Variants in ADD3 observed in about 807,000 individuals in gnomAD.
ADD3 encodes gamma-adducin.
ADD3 carries 25 observed loss-of-function variants against 80.2 expected under a neutral mutation model. The ratio of observed to expected loss-of-function variants is 0.31; its 90% CI spans 0.23 to 0.44. The LOEUF is 0.44. Among genes scored for constraint, ADD3 ranks in the 20% least tolerant of loss-of-function variants. ADD3 has a pLI of 1.00. For synonymous variants in ADD3, 284 were observed against 289.6 expected, an observed-to-expected ratio of 0.98 and a Z score of 0.20; for missense variants, 829 against 847.5, an observed-to-expected ratio of 0.98 and a Z score of 0.27.
At chr10:110,007,913 TG>T (rs1851803048), upstream of ADD3, 1 of 3,694 alleles carries the variant, frequency 2.7e-4, no homozygotes, top group African/African-American at 1.7e-3. Context: ...GGGGGGCGCT[TG>T]GGGACCTAGG....
At chr10:110,028,181 A>G (rs915839853) in intron 1 of ADD3, among the ~76,000 whole-genome samples, 1 of 152,238 alleles carries the variant, frequency 6.6e-6, no homozygotes, top group Non-Finnish European at 1.5e-5. Flanking sequence ...TATGTATTGA[A>G]TAAATGCTTG....
intron 1 of ADD3, chr10:110,016,407 A>G (rs1029312802): frequency 6.6e-6 from 1 of 152,258 alleles, no homozygotes; most frequent in Non-Finnish European, 1.5e-5. Flanking sequence ...GTTGGAATGC[A>G]TGGGAAAAGA....
chr10:110,053,181 T>C (rs1431566324), intron 1 of ADD3, among the ~76,000 whole-genome samples: 2 of 152,168 alleles, frequency 1.3e-5, no homozygotes. Flanking sequence ...AATTTACCAG[T>C]GATCTGTCTA....
At position 110,135,212 on chromosome 10, in the gene ADD3, T is replaced by G. The variant is rs1326344656; in HGVS notation, c.*1594T>G. ...CTAACTACTGGAATCAGTGTTTTAATCTCTTGGTGGAAACTTTCAGTTGCT... is the reference window on the plus strand; with the variant it reads ...CTAACTACTGGAATCAGTGTTTTAAGCTCTTGGTGGAAACTTTCAGTTGCT... On this transcript the variant is annotated 3_prime_UTR_variant, in exon 15 of 15. Coordinates refer to ENST00000356080, the MANE Select transcript of ADD3 (RefSeq NM_016824.5). 3 of 152,624 alleles carry G rather than the reference T, an allele frequency of 2.0e-5. No individual in the cohort carries two copies. Among genetic ancestry groups the G allele is most frequent in the Admixed American group, 6.5e-5 (1 of 15,272 alleles). The allele number at this position is 152,624 out of a possible 1,614,324, so 9.5% of individuals were successfully genotyped here.
chr10:110,107,448 T>G (rs1849515340), intron 2 of ADD3, among the ~76,000 whole-genome samples: 1 of 152,076 alleles, frequency 6.6e-6, no homozygotes, highest in Non-Finnish European at 1.5e-5. Context: ...AAGAACCTCA[T>G]AGGCTAAAGC....
At chr10:110,065,557 T>TTTTTTTTG (rs1843842023) in intron 1 of ADD3, among the ~76,000 whole-genome samples, 1 of 133,886 alleles carries the variant, frequency 7.5e-6, no homozygotes, top group African/African-American at 2.6e-5. Context: ...TTTTTTTTTT[T>TTTTTTTTG]GAGAAAGAAT....
Position 110,124,281 on chromosome 10 carries a change from C to A in ADD3, c.1401+7C>A. 1 of 1,612,652 alleles carries A rather than the reference C, an allele frequency of 6.2e-7. No homozygotes were observed. Among genetic ancestry groups the A allele is most frequent in the Non-Finnish European group, 8.5e-7 (1 of 1,178,858 alleles). On this transcript the variant is annotated splice_region_variant and intron_variant, in intron 10 of 14. Coordinates refer to ENST00000356080, the MANE Select transcript of ADD3 (RefSeq NM_016824.5). ...TCCCCGAACCAAAATCACGGTATGC[C>A]AGTATTTTATGTAGTTTGCCTTTAC... is the stretch of plus-strand genomic sequence containing the variant.
At chr10:110,022,212 T>C (rs1326080787) in intron 1 of ADD3, among the ~76,000 whole-genome samples, 1 of 152,164 alleles carries the variant, frequency 6.6e-6, no homozygotes, top group Admixed American at 6.5e-5. Flanking sequence ...ATCCTTTCCA[T>C]GGGTTTCAGA....
rs759772968 is a variant in ADD3 at position 110,118,745 on chromosome 10, A to G, written c.717+9A>G. 15 of 1,612,492 alleles carry G rather than the reference A, an allele frequency of 9.3e-6. No homozygotes were observed. The highest frequency in any genetic ancestry group is 3.3e-4 in the Middle Eastern group (2 of 6,056). On this transcript the variant is annotated intron_variant, in intron 6 of 14. Transcript: ENST00000356080. ...CCCTTGCAACAGCAGCTGTAAGTCA[A>G]TGAAAGTCCAAAACTGACAGGACGC... is the stretch of plus-strand genomic sequence containing the variant.
chr10:110,035,445 T>A (rs1855528181), intron 1 of ADD3, among the ~76,000 whole-genome samples: 1 of 152,196 alleles, frequency 6.6e-6, no homozygotes, highest in African/African-American at 2.4e-5. Flanking sequence ...ATTAGAGTGA[T>A]AACTGACTCC....
intron 1 of ADD3, among the ~76,000 whole-genome samples, chr10:110,054,393 C>G (rs1380103343): frequency 6.7e-6 from 1 of 150,138 alleles, no homozygotes; most frequent in African/African-American, 2.4e-5. Flanking sequence ...TAATCTGGGA[C>G]TATCACTCAA....
intron 1 of ADD3, among the ~76,000 whole-genome samples, chr10:110,085,095 T>C (rs1846549454): frequency 6.6e-6 from 1 of 152,162 alleles, no homozygotes; most frequent in South Asian, 2.1e-4. Context: ...TTGATATGAA[T>C]TAGTTTGGTG....
intron 1 of ADD3, among the ~76,000 whole-genome samples, chr10:110,035,298 T>C (rs927974085): frequency 6.6e-6 from 1 of 152,230 alleles, no homozygotes; most frequent in African/African-American, 2.4e-5. Flanking sequence ...TTCATTGATA[T>C]TCCCTTTCCA....
At chr10:110,129,618 C>G (rs914072815) in intron 12 of ADD3, among the ~76,000 whole-genome samples, 3 of 152,098 alleles carry the variant, frequency 2.0e-5, no homozygotes, top group African/African-American at 7.2e-5. Flanking sequence ...TACCTATTGC[C>G]TCTAGTTTAT....
intron 3 of ADD3, among the ~76,000 whole-genome samples, chr10:110,115,456 A>G (rs1228847597): frequency 6.6e-6 from 1 of 152,100 alleles, no homozygotes; most frequent in Non-Finnish European, 1.5e-5. Flanking sequence ...AAGACCAGGG[A>G]GTGAGTCGTC....
At chr10:110,077,757 T>C (rs565504500) in intron 1 of ADD3, among the ~76,000 whole-genome samples, 24 of 138,708 alleles carry the variant, frequency 1.7e-4, no homozygotes, top group African/African-American at 7.1e-4. Flanking sequence ...TTGAGGTCCA[T>C]GTTCAGCAAT....
chr10:110,068,006 A>G (rs1844184702), intron 1 of ADD3, among the ~76,000 whole-genome samples: 1 of 151,866 alleles, frequency 6.6e-6, no homozygotes, highest in African/African-American at 2.4e-5. Context: ...TCCCCCATTT[A>G]CAGGATTGTG....
At chr10:110,075,426 G>T (rs561984583) in intron 1 of ADD3, among the ~76,000 whole-genome samples, 1 of 152,074 alleles carries the variant, frequency 6.6e-6, no homozygotes, top group Admixed American at 6.5e-5. Flanking sequence ...AACTCTGTGT[G>T]ATCTTGTGCA....
intron 1 of ADD3, among the ~76,000 whole-genome samples, chr10:110,058,059 C>A (rs1858422378): frequency 6.6e-6 from 1 of 152,096 alleles, no homozygotes; most frequent in African/African-American, 2.4e-5. Flanking sequence ...CTAACTCTTA[C>A]CATGAAATAT....
Sources: allele counts gnomAD v4.1 joint callset (sites outside exome capture counted in the v4.1 genomes callset), GRCh38; gene constraint gnomAD v4.1.1; transcripts MANE v1.5; gene names NCBI Gene and HGNC (gene_info 2026-07-23, HGNC 2026-07-21).